Variants in TG observed in about 807,000 individuals in gnomAD.
The protein encoded by TG is thyroglobulin.
Under a neutral mutation model 324.7 loss-of-function variants are expected in TG, and 270 were observed. The observed-to-expected ratio is 0.83, with a 90% confidence interval of 0.75 to 0.92. The LOEUF (loss-of-function observed/expected upper bound fraction) is 0.92, where lower values mean the gene tolerates loss of function less well. Among genes scored for constraint, TG ranks in the 40% least tolerant of loss-of-function variants. The pLI, the probability that TG is intolerant of heterozygous loss-of-function variation, is 0.00. For synonymous variants in TG, 1,401 were observed against 1,327.0 expected, an observed-to-expected ratio of 1.06 and a Z score of -1.21; for missense variants, 3,591 against 3,456.4, an observed-to-expected ratio of 1.04 and a Z score of -0.98.
chr8:132,919,578 C>A, intron 21 of TG, 53 bp downstream of exon 21: 2 of 1,606,816 alleles, frequency 1.2e-6, no homozygotes, highest in Non-Finnish European at 1.7e-6. Flanking sequence ...TGAAATGGAA[C>A]TCAACAGGGT....
rs1249175533 is a variant in TG at position 133,055,361 on chromosome 8, GCGCGCACACACACACACACACA to G, written c.7239+25340_7239+25361del. On this transcript the variant is annotated intron_variant, in intron 41 of 47. Transcript: ENST00000220616. Reference sequence around the variant, plus strand: ...TCATCTTCAGGACACACACACGCACGCGCGCACACACACACACACACACACACACACACACACACACACACAG... The same window carrying G: ...TCATCTTCAGGACACACACACGCACGCACACACACACACACACACACACAG... 5.5e-3 allele frequency among the ~76,000 whole-genome samples: 722 copies of G among 131,744 alleles called. 7 individuals are homozygous for G. The highest frequency in any genetic ancestry group is 0.017 in the African/African-American group (637 of 38,348). The allele number at this position is 131,744 out of a possible 152,430, so 86.4% of individuals were successfully genotyped here.
At chr8:132,911,109 T>C (rs1199474981) in intron 18 of TG, among the ~76,000 whole-genome samples, 2 of 152,232 alleles carry the variant, frequency 1.3e-5, no homozygotes, top group South Asian at 2.1e-4. Flanking sequence ...CAGTGAAGTA[T>C]GGTGACTGGG....
intron 35 of TG, among the ~76,000 whole-genome samples, chr8:132,999,315 A>G (rs1833213840): frequency 7.4e-6 from 1 of 134,320 alleles, no homozygotes; most frequent in Non-Finnish European, 1.7e-5. Context: ...AATAAGAATA[A>G]TTAAAAAAAA....
chr8:133,126,348 T>C (rs2130339430), intron 45 of TG, among the ~76,000 whole-genome samples: 1 of 152,326 alleles, frequency 6.6e-6, no homozygotes, highest in African/African-American at 2.4e-5. Context: ...ACTTAAACAG[T>C]TGGGCCTTGG....
Position 133,134,829 on chromosome 8 carries a change from G to A in TG, c.*35G>A. The A allele has an allele frequency of 6.4e-7, 1 of 1,555,942 alleles. No homozygotes were observed. On this transcript the variant is annotated 3_prime_UTR_variant, in exon 48 of 48. Transcript: ENST00000220616. ...GAGCTCCCCAAAAACCTCACCCGAG[G>A]CTGCCCACTATGGTCATCTTTTTCT...
chr8:132,980,472 G>C lies in TG; in HGVS notation c.6200-2878G>C, dbSNP rs150729363. ...GTGGAGGCTCCCCCCCGGCCCTCTT[G>C]TCCTATGCACCCCTTCCTTTTGGCT... On this transcript the variant is annotated intron_variant, in intron 34 of 47. Coordinates refer to ENST00000220616, the MANE Select transcript of TG (RefSeq NM_003235.5). Among the ~76,000 whole-genome samples the C allele has an allele frequency of 4.6e-5, 7 of 152,152 alleles. 1 individual carries two copies. Among genetic ancestry groups the C allele is most frequent in the African/African-American group, 1.7e-4 (7 of 41,532 alleles).
intron 32 of TG, among the ~76,000 whole-genome samples, chr8:132,969,851 T>C (rs1212959998): frequency 1.4e-5 from 2 of 143,444 alleles, no homozygotes; most frequent in Non-Finnish European, 3.0e-5. Context: ...GAGGTGGAGG[T>C]TGCAGTGAGC....
intron 40 of TG, among the ~76,000 whole-genome samples, chr8:133,025,049 C>T (rs1835950202): frequency 6.6e-6 from 1 of 152,164 alleles, no homozygotes; most frequent in Non-Finnish European, 1.5e-5. Flanking sequence ...CCTCGTGTGT[C>T]CCACATTCCC....
At chr8:132,955,129 C>T (rs1826654143) in intron 27 of TG, among the ~76,000 whole-genome samples, 1 of 152,200 alleles carries the variant, frequency 6.6e-6, no homozygotes, top group African/African-American at 2.4e-5. Context: ...CTAACCAACA[C>T]TGGAGGCCCA....
chr8:132,968,907 C>T (rs1829043375), intron 31 of TG, among the ~76,000 whole-genome samples: 1 of 152,152 alleles, frequency 6.6e-6, no homozygotes, highest in African/African-American at 2.4e-5. Context: ...GTGAAGTGCT[C>T]ATGCCATGGT....
At chr8:132,960,547 A>C (rs1827589758) in intron 27 of TG, among the ~76,000 whole-genome samples, 1 of 152,366 alleles carries the variant, frequency 6.6e-6, no homozygotes, top group Admixed American at 6.5e-5. Context: ...GCAGCCGCCA[A>C]CAAGTGGCTG....
intron 43 of TG, among the ~76,000 whole-genome samples, chr8:133,109,874 G>A (rs752883086): frequency 1.3e-5 from 2 of 152,164 alleles, no homozygotes; most frequent in Non-Finnish European, 2.9e-5. Flanking sequence ...GACAGTTTAT[G>A]AACTTGTTTT....
At chr8:132,999,837 T>A (rs1439233653) in intron 35 of TG, among the ~76,000 whole-genome samples, 1 of 152,208 alleles carries the variant, frequency 6.6e-6, no homozygotes, top group Non-Finnish European at 1.5e-5. Flanking sequence ...TCCTGAAGGC[T>A]TACATTGTCT....
chr8:132,877,732 G>T (rs541621521), intron 5 of TG, among the ~76,000 whole-genome samples: 2 of 152,182 alleles, frequency 1.3e-5, no homozygotes, highest in South Asian at 4.1e-4. Context: ...TTGCTTTCTT[G>T]AGGATTCTTC....
intron 25 of TG, 114 bp downstream of exon 25, chr8:132,935,978 C>A: frequency 1.3e-6 from 1 of 794,008 alleles, no homozygotes; most frequent in Non-Finnish European, 2.2e-6. Flanking sequence ...GCTCCCCACT[C>A]CACACCCTCA....
chr8:132,979,747 T>C (rs1830595827), intron 34 of TG, among the ~76,000 whole-genome samples: 1 of 152,122 alleles, frequency 6.6e-6, no homozygotes, highest in South Asian at 2.1e-4. Flanking sequence ...TGATACCACA[T>C]CTGTCAGGTT....
intron 32 of TG, among the ~76,000 whole-genome samples, chr8:132,970,620 G>T (rs560326725): frequency 1.3e-5 from 2 of 152,174 alleles, no homozygotes; most frequent in African/African-American, 4.8e-5. Context: ...AAAAGATGAG[G>T]CAGGCTAGTC....
At position 133,133,678 on chromosome 8, in the gene TG, C is replaced by T; in HGVS notation, c.8188+18C>T. The T allele has an allele frequency of 6.2e-7, 1 of 1,610,538 alleles. No individual in the cohort carries two copies. The highest frequency in any genetic ancestry group is 8.5e-7 in the Non-Finnish European group (1 of 1,178,082). ...ATCTGCAGGTAGCAAAGCCCTGGGA[C>T]AAGTGGAGGGAGCTGGGTGTTGATC... On this transcript the variant is annotated intron_variant, in intron 47 of 47. Transcript: ENST00000220616.
chr8:133,111,681 G>A (rs1353949976), intron 43 of TG, among the ~76,000 whole-genome samples: 1 of 152,016 alleles, frequency 6.6e-6, no homozygotes, highest in African/African-American at 2.4e-5. Context: ...TTTCAGGTCT[G>A]TGTCTGTGTA....
Sources: gnomAD v4.1 joint callset for allele counts (sites outside exome capture counted in the v4.1 genomes callset) on GRCh38, gnomAD v4.1.1 for gene constraint, MANE v1.5 for transcripts, NCBI Gene and HGNC (gene_info 2026-07-23, HGNC 2026-07-21) for gene names.